EVC2: variants seen among roughly 807,000 people sequenced by gnomAD.
EVC2 encodes the protein limbin.
Under a neutral mutation model 149.3 loss-of-function variants are expected in EVC2, and 148 were observed. The ratio of observed to expected loss-of-function variants is 0.99; its 90% CI spans 0.87 to 1.14. The LOEUF is 1.14. EVC2 is among the 50% of genes most tolerant of loss of function. The pLI is 0.00. For synonymous variants in EVC2, 776 were observed against 649.9 expected (o/e 1.19, Z -2.95); for missense variants, 1,854 against 1,627.3 (o/e 1.14, Z -2.40).
the EVC2 span, among the ~76,000 whole-genome samples, chr4:5,534,495 C>T: frequency 1.3e-5 from 2 of 152,126 alleles, no homozygotes; most frequent in Admixed American, 6.5e-5. Context: ...CTCACAGCAG[C>T]GGGAACTAAA....
intron 18 of EVC2, among the ~76,000 whole-genome samples, chr4:5,575,429 T>C (rs1273638342): frequency 6.6e-6 from 1 of 152,178 alleles, no homozygotes; most frequent in East Asian, 1.9e-4. Context: ...ACCACGCAGA[T>C]GGGGCCCCCT....
chr4:5,618,646 C>T lies in EVC2; in HGVS notation c.2538G>A (p.Glu846=). 1.2e-6 allele frequency: 2 copies of T among 1,610,044 alleles called. No homozygotes were observed. Among genetic ancestry groups the T allele is most frequent in the Admixed American group, 1.7e-5 (1 of 59,598 alleles). The change falls in exon 15 of 22, where the codon GAG becomes GAA. Residue 846 remains glutamate, a synonymous_variant. Coordinates refer to ENST00000344408, the MANE Select transcript of EVC2 (RefSeq NM_147127.5). The surrounding 1 kb of genome is among the most constrained non-coding windows in gnomAD (Gnocchi z 4.4). ...CCTCCTGCCTCATCCTGAGCAGCTC[C>T]TCTTCAGACAGGGAGAAGACTGAGG... ...LCSSVFSLSE[E]ELLRMRQEVH...
intron 3 of EVC2, 34 bp from the exon 4 acceptor site, chr4:5,691,367 G>C (rs1290480080): frequency 1.9e-6 from 3 of 1,549,918 alleles, no homozygotes; most frequent in Non-Finnish European, 1.8e-6. Context: ...TAGAAAATGA[G>C]AAATATTTCA....
rs368943903 is a variant in EVC2 at position 5,564,629 on chromosome 4, G to T, written c.3659+629C>A. Among the ~76,000 whole-genome samples, 13 of 152,288 alleles carry T rather than the reference G, an allele frequency of 8.5e-5. No homozygotes were observed. In the East Asian group the frequency reaches 2.5e-3, roughly 29 times the overall value. On this transcript the variant is annotated intron_variant, in intron 21 of 21. Transcript: ENST00000344408. The stretch of plus-strand genomic sequence containing the variant: ...TGTTTAACCCCTTATGAATCTACCT[G>T]ATGTTGCTTTTTGTTTCCACATCTT...
intron 2 of EVC2, among the ~76,000 whole-genome samples, chr4:5,697,148 G>C (rs917212036): frequency 6.6e-6 from 1 of 152,208 alleles, no homozygotes; most frequent in South Asian, 2.1e-4. Context: ...AGAGGAATTG[G>C]TTTCGCTTCT....
At chr4:5,680,114 T>A (rs973416976) in intron 7 of EVC2, among the ~76,000 whole-genome samples, 1 of 152,134 alleles carries the variant, frequency 6.6e-6, no homozygotes, top group Admixed American at 6.5e-5. Context: ...ACCTGTCATC[T>A]CCTAGGATAA....
chr4:5,638,923 T>C (rs377053441), intron 10 of EVC2, among the ~76,000 whole-genome samples: 1 of 152,160 alleles, frequency 6.6e-6, no homozygotes, highest in African/African-American at 2.4e-5. Flanking sequence ...AGAACTATTA[T>C]ATAACAGAAA....
At chr4:5,676,855 T>C (rs532919870) in intron 7 of EVC2, among the ~76,000 whole-genome samples, 12 of 152,258 alleles carry the variant, frequency 7.9e-5, no homozygotes, top group African/African-American at 2.9e-4. Flanking sequence ...GTCTTTTTTT[T>C]TCATGTAGTG....
At chr4:5,557,970 GATGTCA>G (rs1413238008), downstream of EVC2, among the ~76,000 whole-genome samples, 1 of 152,054 alleles carries the variant, frequency 6.6e-6, no homozygotes, top group Non-Finnish European at 1.5e-5. Flanking sequence ...ATATTGTGGA[GATGTCA>G]ATTCTTCCCA....
At chr4:5,705,282 G>C (rs1722062887) in intron 1 of EVC2, among the ~76,000 whole-genome samples, 1 of 152,130 alleles carries the variant, frequency 6.6e-6, no homozygotes, top group South Asian at 2.1e-4. Context: ...TCTTTCAAAG[G>C]GTCTGGGTGG....
rs942131509 is a variant in EVC2, at chr4:5,614,904, G to A, written c.2829+518C>T. Among the ~76,000 whole-genome samples, 1 of 151,344 alleles carries A rather than the reference G, an allele frequency of 6.6e-6. No individual in the cohort carries two copies. The highest frequency in any genetic ancestry group is 2.4e-5 in the African/African-American group (1 of 41,096). Reference sequence around the variant, plus strand: ...AGGCAGAAGAATCACTTGAACCCAGGAGGCGGAGGTTGCAGTGAGCCGAGA... The same window carrying A: ...AGGCAGAAGAATCACTTGAACCCAGAAGGCGGAGGTTGCAGTGAGCCGAGA... On this transcript the variant is annotated intron_variant, in intron 16 of 21. Coordinates refer to ENST00000344408, the MANE Select transcript of EVC2 (RefSeq NM_147127.5). The surrounding 1 kb of genome is among the most constrained non-coding windows in gnomAD (Gnocchi z 4.7).
At chr4:5,644,679 C>T (rs575395573) in intron 9 of EVC2, among the ~76,000 whole-genome samples, 11 of 152,156 alleles carry the variant, frequency 7.2e-5, no homozygotes, top group African/African-American at 1.2e-4. Context: ...TTCGTCTAAA[C>T]CTACCCCTTC....
intron 16 of EVC2, among the ~76,000 whole-genome samples, chr4:5,595,348 C>T (rs1259562738): frequency 6.6e-6 from 1 of 152,176 alleles, no homozygotes; most frequent in African/African-American, 2.4e-5. Context: ...AAGGGAAGCC[C>T]ATCAGACTAA....
intron 2 of EVC2, among the ~76,000 whole-genome samples, chr4:5,695,470 C>CGGGCT (rs947067986): frequency 1.4e-4 from 21 of 152,342 alleles, no homozygotes; most frequent in Admixed American, 9.8e-4. Context: ...TTAAAAGGTC[C>CGGGCT]GGGCTGGGCT....
chr4:5,591,393 C>A (rs1465169948), intron 16 of EVC2, among the ~76,000 whole-genome samples: 1 of 152,174 alleles, frequency 6.6e-6, no homozygotes, highest in African/African-American at 2.4e-5. Context: ...TGACAGAAGT[C>A]TTCCTTATTA....
At chr4:5,616,943 G>A (rs1487989501) in intron 15 of EVC2, among the ~76,000 whole-genome samples, 1 of 152,170 alleles carries the variant, frequency 6.6e-6, no homozygotes, top group African/African-American at 2.4e-5. Flanking sequence ...AGGGGAACCA[G>A]CGGCTTATGG....
At chr4:5,668,109 A>C (rs764897388) in intron 7 of EVC2, among the ~76,000 whole-genome samples, 5 of 152,228 alleles carry the variant, frequency 3.3e-5, no homozygotes, top group Non-Finnish European at 7.3e-5. Flanking sequence ...AATTAGTTTA[A>C]TTCAAAATGG....
At chr4:5,672,740 T>C (rs1560213482) in intron 7 of EVC2, among the ~76,000 whole-genome samples, 1 of 152,250 alleles carries the variant, frequency 6.6e-6, no homozygotes. Flanking sequence ...ACAGCAGCAC[T>C]GTTTACAATA....
chr4:5,672,219 C>T (rs1022503956), intron 7 of EVC2, among the ~76,000 whole-genome samples: 2 of 152,190 alleles, frequency 1.3e-5, no homozygotes, highest in African/African-American at 4.8e-5. Context: ...CAGAGGAGAA[C>T]GAGCTGGGCC....
Sources: allele counts gnomAD v4.1 joint callset (sites outside exome capture counted in the v4.1 genomes callset), GRCh38; gene constraint gnomAD v4.1.1; non-coding constraint Gnocchi (gnomAD v3.1); transcripts MANE v1.5; gene names NCBI Gene and HGNC (gene_info 2026-07-23, HGNC 2026-07-21).